The following SNTG2 variants were observed in gnomAD, a reference collection of about 807,000 sequenced individuals.
SNTG2 encodes the protein syntrophin gamma 2.
In SNTG2, 74 loss-of-function variants were observed where a neutral mutation model predicts 70.9. The observed-to-expected ratio is 1.04, with a 90% confidence interval of 0.86 to 1.27. The LOEUF is 1.27. SNTG2 is among the 50% of genes most tolerant of loss of function. SNTG2 has a pLI of 0.00. For missense variants in SNTG2, 717 were observed against 690.7 expected, an observed-to-expected ratio of 1.04 and a Z score of -0.43; for synonymous variants, 278 against 273.8, an observed-to-expected ratio of 1.02 and a Z score of -0.15.
At chr2:1,308,895 G>A (rs1370376865) in intron 15 of SNTG2, among the ~76,000 whole-genome samples, 9 of 152,148 alleles carry the variant, frequency 5.9e-5, no homozygotes, top group East Asian at 3.9e-4. Context: ...AACACTCATC[G>A]TTGCCTGCCT....
intron 9 of SNTG2, among the ~76,000 whole-genome samples, chr2:1,209,505 T>C (rs1374447682): frequency 6.6e-6 from 1 of 152,202 alleles, no homozygotes; most frequent in African/African-American, 2.4e-5. Flanking sequence ...GTAAAAGAAA[T>C]TCTATTTTTA....
In SNTG2 at chr2:1,367,458, A is replaced by T. The variant is rs760548161; in HGVS notation, c.1604A>T (p.Tyr535Phe). 1.5e-5 allele frequency: 23 copies of T among 1,551,196 alleles called. No homozygotes were observed. The highest frequency in any genetic ancestry group is 2.0e-5 in the Non-Finnish European group (23 of 1,146,936). Residue 535 changes from tyrosine (Y) to phenylalanine (F), a missense_variant, in exon 17 of 17, where the codon TAC becomes TTC. Coordinates refer to ENST00000308624, the MANE Select transcript of SNTG2 (RefSeq NM_018968.4). Reference protein sequence around the residue: ...FMDSQSLARKYMYSS With the variant: ...FMDSQSLARKFMYSS ...GACAGTCAGAGTCTTGCCAGAAAATACATGTACAGCAGCTAAAGGTTGTTT... is the reference window on the plus strand; with the variant it reads ...GACAGTCAGAGTCTTGCCAGAAAATTCATGTACAGCAGCTAAAGGTTGTTT...
At chr2:969,208 C>T (rs544026510) in intron 1 of SNTG2, among the ~76,000 whole-genome samples, 1 of 152,148 alleles carries the variant, frequency 6.6e-6, no homozygotes, top group Non-Finnish European at 1.5e-5. Flanking sequence ...GCTTGCTACT[C>T]GGTTCCATTG....
At chr2:1,002,625 A>G (rs1278452016) in intron 1 of SNTG2, among the ~76,000 whole-genome samples, 3 of 151,626 alleles carry the variant, frequency 2.0e-5, no homozygotes, top group African/African-American at 7.3e-5. Context: ...TGGAGAAAAT[A>G]CTTATCTATG....
chr2:1,323,919 C>A (rs1455306230), intron 16 of SNTG2, among the ~76,000 whole-genome samples: 1 of 150,788 alleles, frequency 6.6e-6, no homozygotes, highest in Non-Finnish European at 1.5e-5. Context: ...TTGCTGAGAC[C>A]TCCCCAACCC....
At chr2:1,257,321 TTG>T (rs1385023465) in intron 12 of SNTG2, among the ~76,000 whole-genome samples, 1 of 152,118 alleles carries the variant, frequency 6.6e-6, no homozygotes, top group Non-Finnish European at 1.5e-5. Flanking sequence ...CTGGCCTGAA[TTG>T]TGTGTGGACT....
At chr2:1,044,061 G>A (rs1661589639) in intron 1 of SNTG2, among the ~76,000 whole-genome samples, 1 of 151,942 alleles carries the variant, frequency 6.6e-6, no homozygotes, top group African/African-American at 2.4e-5. Context: ...TTTTTTATTT[G>A]TTTGGGTCAT....
At chr2:1,096,577 T>G (rs1665406517) in intron 2 of SNTG2, among the ~76,000 whole-genome samples, 1 of 152,192 alleles carries the variant, frequency 6.6e-6, no homozygotes, top group African/African-American at 2.4e-5. Context: ...CGTGTGGTAT[T>G]TGTCTTTCTG....
In SNTG2 at chr2:987,777, G is replaced by A. The variant is rs558179757; in HGVS notation, c.72+36709G>A. ...GGACAGGAGGGTTGATGGGGCCTCC[G>A]CAGATGAAGGGAGGCCTCCTAGACA... On this transcript the variant is annotated intron_variant, in intron 1 of 16. Transcript: ENST00000308624. 1.8e-4 allele frequency among the ~76,000 whole-genome samples: 27 copies of A among 152,250 alleles called. 1 individual carries two copies. The highest frequency in any genetic ancestry group is 1.6e-3 in the East Asian group (8 of 5,160).
At position 1,318,528 on chromosome 2, in the gene SNTG2, C is replaced by T. The variant is rs536414220; in HGVS notation, c.1488+2153C>T. On this transcript the variant is annotated intron_variant, in intron 16 of 16. Coordinates refer to ENST00000308624, the MANE Select transcript of SNTG2 (RefSeq NM_018968.4). ...CTGTGGCTCCTGGGCTGGGGGAGAG[C>T]GATGAGGCAGCGGCACTCGTGCTGA... Among the ~76,000 whole-genome samples the T allele has an allele frequency of 7.2e-5, 11 of 152,324 alleles. No homozygotes were observed. The East Asian group carries it at 1.9e-3, about 27-fold the overall frequency.
At chr2:1,181,669 C>A (rs577920897) in intron 8 of SNTG2, among the ~76,000 whole-genome samples, 1 of 151,830 alleles carries the variant, frequency 6.6e-6, no homozygotes, top group Non-Finnish European at 1.5e-5. Flanking sequence ...ATATATTTGA[C>A]AGTTTTTCCG....
chr2:1,021,936 C>CTTTTTTTTTTTTTTTT (rs71392556), intron 1 of SNTG2, among the ~76,000 whole-genome samples: 1 of 121,142 alleles, frequency 8.3e-6, no homozygotes, highest in Non-Finnish European at 1.6e-5. Context: ...GTTTTATGTG[C>CTTTTTTTTTTTTTTTT]TTTTTTTTTT....
chr2:1,364,146 ATTT>A (rs57194458), intron 16 of SNTG2, among the ~76,000 whole-genome samples: 101,443 of 147,272 alleles, frequency 0.69, 35,265 homozygotes, highest in East Asian at 0.93. Context: ...AATTTTTAGT[ATTT>A]TTTTTTTTTT....
At chr2:1,086,689 G>T (rs1664704589) in intron 2 of SNTG2, among the ~76,000 whole-genome samples, 3 of 152,126 alleles carry the variant, frequency 2.0e-5, no homozygotes, top group African/African-American at 7.2e-5. Context: ...ATTTGTTAAT[G>T]CAGAAACGGA....
At chr2:1,222,175 T>TGTCTCTGTCTCTGTC (rs1558554158) in intron 9 of SNTG2, among the ~76,000 whole-genome samples, 2 of 110,402 alleles carry the variant, frequency 1.8e-5, no homozygotes, top group Admixed American at 2.1e-4. Flanking sequence ...TTGTCTCTCT[T>TGTCTCTGTCTCTGTC]TTTCTCCCTC....
intron 8 of SNTG2, among the ~76,000 whole-genome samples, chr2:1,205,243 T>C (rs1356597315): frequency 6.6e-6 from 1 of 152,180 alleles, no homozygotes; most frequent in Non-Finnish European, 1.5e-5. Flanking sequence ...ACCTTGTAAG[T>C]GGTTGAAATA....
At chr2:1,139,200 G>C (rs1413940543) in intron 6 of SNTG2, among the ~76,000 whole-genome samples, 1 of 152,004 alleles carries the variant, frequency 6.6e-6, no homozygotes, top group Non-Finnish European at 1.5e-5. Flanking sequence ...AAATTCTTGT[G>C]AGCAACAGTT....
chr2:1,349,126 G>C (rs1036429269), intron 16 of SNTG2, among the ~76,000 whole-genome samples: 6 of 152,226 alleles, frequency 3.9e-5, no homozygotes, highest in African/African-American at 1.2e-4. Context: ...GGGAACTGCT[G>C]ATTGGCTGGG....
intron 12 of SNTG2, among the ~76,000 whole-genome samples, chr2:1,250,618 A>C (rs1372365352): frequency 7.5e-6 from 1 of 133,082 alleles, no homozygotes; most frequent in Admixed American, 7.5e-5. Flanking sequence ...ATTTCTCTCT[A>C]TCTCTGCCTT....
Sources: gnomAD v4.1 joint callset for allele counts (sites outside exome capture counted in the v4.1 genomes callset) on GRCh38, gnomAD v4.1.1 for gene constraint, MANE v1.5 for transcripts, NCBI Gene and HGNC (gene_info 2026-07-23, HGNC 2026-07-21) for gene names.